The following NUP188 variants were observed in gnomAD, a reference collection of about 807,000 sequenced individuals.
NUP188 encodes the protein nucleoporin 188, also known as nucleoporin NUP188.
NUP188 carries 97 observed loss-of-function variants against 223.0 expected under a neutral mutation model. The observed-to-expected ratio is 0.43, with a 90% CI of 0.37 to 0.51. NUP188 has a LOEUF of 0.51. NUP188 is among the 20% of genes least tolerant of loss of function. The pLI is 0.00. For missense variants in NUP188, 1,947 were observed against 2,175.6 expected, an observed-to-expected ratio of 0.89 and a Z score of 2.09; for synonymous variants, 869 against 828.0, an observed-to-expected ratio of 1.05 and a Z score of -0.85.
intron 23 of NUP188, 127 bp from the exon 24 acceptor site, chr9:128,987,920 G>T: frequency 8.1e-7 from 1 of 1,237,662 alleles, no homozygotes. Context: ...TCCTAGTTTG[G>T]ACTGGGGCCT....
intron 13 of NUP188, among the ~76,000 whole-genome samples, chr9:128,979,907 C>T (rs1286444886): frequency 6.6e-6 from 1 of 152,220 alleles, no homozygotes; most frequent in African/African-American, 2.4e-5. Flanking sequence ...GCTGGGGTTA[C>T]AGGCGTGAGC....
At position 128,984,978 on chromosome 9, in the gene NUP188, T is replaced by C. The variant is rs758495114; in HGVS notation, c.2040T>C (p.Thr680=). 2 of 1,613,852 alleles carry C rather than the reference T, an allele frequency of 1.2e-6. No homozygotes were observed. The highest frequency in any genetic ancestry group is 1.1e-5 in the South Asian group (1 of 91,030). The part of the protein sequence containing the change: ...SEQPQGEYGV[T]IAFLRLITTL... The stretch of plus-strand genomic sequence containing the variant: ...AGCCTCAGGGCGAGTATGGGGTTAC[T>C]ATTGCCTTTCTGCGCTTGATCACCA... The change falls in exon 20 of 44, where the codon ACT becomes ACC. Residue 680 remains threonine (T), a synonymous_variant. Coordinates refer to ENST00000372577, the MANE Select transcript of NUP188 (RefSeq NM_015354.3).
intron 24 of NUP188, among the ~76,000 whole-genome samples, chr9:128,988,402 T>C (rs769831083): frequency 2.0e-5 from 3 of 152,184 alleles, no homozygotes; most frequent in Admixed American, 6.5e-5. Flanking sequence ...AGAATAATAG[T>C]TAAGAATGCA....
At chr9:128,954,700 C>T (rs879897490) in intron 3 of NUP188, among the ~76,000 whole-genome samples, 5 of 151,808 alleles carry the variant, frequency 3.3e-5, no homozygotes, top group Non-Finnish European at 5.9e-5. Flanking sequence ...TCGACAATGT[C>T]TTAGTCTTAC....
chr9:128,994,800 C>A, intron 28 of NUP188, 56 bp from the exon 29 acceptor site: 1 of 1,394,636 alleles, frequency 7.2e-7, no homozygotes, highest in Non-Finnish European at 1.0e-6. Context: ...GTTTGATATA[C>A]TGGGGGAGAT....
chr9:129,005,120 C>A, intron 38 of NUP188, 27 bp from the exon 39 acceptor site: 1 of 1,581,394 alleles, frequency 6.3e-7, no homozygotes, highest in Non-Finnish European at 8.7e-7. Flanking sequence ...CAAGAGAATC[C>A]GCTCATCTCT....
intron 12 of NUP188, 118 bp downstream of exon 12, chr9:128,973,367 A>G: frequency 1.6e-6 from 1 of 643,976 alleles, no homozygotes; most frequent in South Asian, 2.0e-5. Context: ...GTTTACTGGC[A>G]CTCATTTTTT....
At chr9:128,994,260 A>G (rs1842480286) in intron 27 of NUP188, 113 bp from the exon 28 acceptor site, 1 of 742,182 alleles carries the variant, frequency 1.3e-6, no homozygotes, top group Admixed American at 2.0e-5. Flanking sequence ...TCAGACACAT[A>G]TTAGGATTGA....
intron 30 of NUP188, among the ~76,000 whole-genome samples, chr9:128,997,598 T>G (rs1842551509): frequency 6.6e-6 from 1 of 152,084 alleles, no homozygotes; most frequent in Non-Finnish European, 1.5e-5. Context: ...CACGTGATCT[T>G]CCCACCTCAG....
At chr9:128,978,045 C>T (rs1842203527) in intron 12 of NUP188, among the ~76,000 whole-genome samples, 1 of 152,068 alleles carries the variant, frequency 6.6e-6, no homozygotes, top group African/African-American at 2.4e-5. Context: ...AGACACAACA[C>T]ACCCTGGACA....
chr9:128,992,103 G>A (rs1842444562), intron 25 of NUP188, among the ~76,000 whole-genome samples: 3 of 151,666 alleles, frequency 2.0e-5, no homozygotes, highest in African/African-American at 2.4e-5. Flanking sequence ...TAGAGACGGG[G>A]TTTCACCGTG....
Position 129,002,894 on chromosome 9 carries a change from G to C in NUP188, c.4215G>C (p.Glu1405Asp), listed in dbSNP as rs1458378634. The C allele has an allele frequency of 6.2e-7, 1 of 1,614,208 alleles. No homozygotes were observed. Among genetic ancestry groups the C allele is most frequent in the South Asian group, 1.1e-5 (1 of 91,092 alleles). Reference sequence around the variant, plus strand: ...ACCGCCTGTCCATGTCCCTGATGGAGCAGCTGCTCAAAACTCTGCGCTACA... The same window carrying C: ...ACCGCCTGTCCATGTCCCTGATGGACCAGCTGCTCAAAACTCTGCGCTACA... Reference protein sequence around the residue: ...GVYRLSMSLMEQLLKTLRYNF... With the variant: ...GVYRLSMSLMDQLLKTLRYNF... The change falls in exon 37 of 44, where the codon GAG becomes GAC. Residue 1405 changes from glutamate to aspartate, a missense_variant. Transcript: ENST00000372577.
Position 128,952,807 on chromosome 9 carries a change from G to A in NUP188, c.122G>A (p.Arg41Gln), listed in dbSNP as rs779685542. The change falls in exon 3 of 44, where the codon CGG becomes CAG. Residue 41 changes from arginine to glutamine, a missense_variant. Physicochemically the swap from Arg to Gln is conservative, Grantham distance 43. Around this residue, in one of 3 missense-constraint regions of NUP188, gnomAD observed 817 missense variants for 865.8 expected, o/e 0.94. Transcript: ENST00000372577. Reference protein sequence around the residue: ...QIEAELNKHWRRLLEGLSYYK... With the variant: ...QIEAELNKHWQRLLEGLSYYK... ...GAGGCAGAACTGAATAAACATTGGC[G>A]GCGATTGTTAGAGGGGCTTTCTTAC... The A allele has an allele frequency of 8.7e-6, 14 of 1,613,606 alleles. No individual in the cohort carries two copies. The highest frequency in any genetic ancestry group is 1.6e-4 in the Middle Eastern group (1 of 6,080).
In NUP188 at chr9:128,982,692, T is replaced by C; in HGVS notation, c.1660T>C (p.Ser554Pro). The C allele has an allele frequency of 6.2e-7, 1 of 1,613,898 alleles. No homozygotes were observed. Among genetic ancestry groups the C allele is most frequent in the Non-Finnish European group, 8.5e-7 (1 of 1,179,988 alleles). Residue 554 changes from serine to proline, a missense_variant, in exon 16 of 44, where the codon TCA becomes CCA. Ser to Pro is a moderately conservative substitution (Grantham distance 74). Around this residue, in one of 3 missense-constraint regions of NUP188, gnomAD observed 817 missense variants for 865.8 expected, o/e 0.94. Coordinates refer to ENST00000372577, the MANE Select transcript of NUP188 (RefSeq NM_015354.3). ...CEIEMLLHVV[S>P]TADVIQHCQR... ...GATTGAAATGTTGCTTCATGTTGTTTCAACTGCAGGTAAGGTCAGCTTTCG... is the reference window on the plus strand; with the variant it reads ...GATTGAAATGTTGCTTCATGTTGTTCCAACTGCAGGTAAGGTCAGCTTTCG...
chr9:128,970,647 G>A, intron 10 of NUP188, 111 bp from the exon 11 acceptor site: 1 of 820,662 alleles, frequency 1.2e-6, no homozygotes, highest in South Asian at 1.6e-5. Context: ...ATCAGAATGA[G>A]AGAGTGAGGC....
chr9:128,987,950 T>G (rs1842362079), intron 23 of NUP188, 97 bp from the exon 24 acceptor site: 1 of 1,414,906 alleles, frequency 7.1e-7, no homozygotes, highest in Admixed American at 1.8e-5. Flanking sequence ...GCTGTTGAAC[T>G]CTGGGATTAT....
chr9:128,997,980 A>G (rs543662131), intron 30 of NUP188, among the ~76,000 whole-genome samples, 171 bp from the exon 31 acceptor site: 2 of 152,096 alleles, frequency 1.3e-5, no homozygotes, highest in East Asian at 3.9e-4. Flanking sequence ...CAGCCTCCCA[A>G]AGTGTTAGGA....
At position 128,981,323 on chromosome 9, in the gene NUP188, T is replaced by C; in HGVS notation, c.1449T>C (p.His483=). The part of the protein sequence containing the change: ...FYNELYKHKP[H]DVISHEDGTL... ...ATGAACTTTATAAACACAAGCCTCATGATGTGATCTCCCATGAAGATGGAA... is the reference window on the plus strand; with the variant it reads ...ATGAACTTTATAAACACAAGCCTCACGATGTGATCTCCCATGAAGATGGAA... The change falls in exon 15 of 44, where the codon CAT becomes CAC. Residue 483 remains histidine (H), a synonymous_variant. Transcript: ENST00000372577. 6.2e-7 allele frequency: 1 copy of C among 1,614,066 alleles called. No individual in the cohort carries two copies. The highest frequency in any genetic ancestry group is 8.5e-7 in the Non-Finnish European group (1 of 1,179,916).
chr9:128,987,425 C>CAAGT (rs1248276785), intron 22 of NUP188, among the ~76,000 whole-genome samples, 164 bp from the exon 23 acceptor site: 3 of 152,102 alleles, frequency 2.0e-5, no homozygotes, highest in African/African-American at 7.2e-5. Context: ...TTTAGGTGAT[C>CAAGT]AAGTCTGTTT....
Sources: allele counts gnomAD v4.1 joint callset (sites outside exome capture counted in the v4.1 genomes callset), GRCh38; gene constraint gnomAD v4.1.1; regional missense constraint gnomAD v4.1.1; transcripts MANE v1.5; gene names NCBI Gene and HGNC (gene_info 2026-07-23, HGNC 2026-07-21).